SNTB2: variants seen among roughly 807,000 people sequenced by gnomAD.
SNTB2 encodes syntrophin beta 2.
SNTB2 carries 34 observed loss-of-function variants against 46.2 expected under a neutral mutation model. That is an observed-to-expected ratio of 0.74 (90% CI 0.56 to 0.98). SNTB2 has a LOEUF of 0.98. Ranked by LOEUF, SNTB2 falls within the 50% of genes least tolerant of loss-of-function variation. The pLI, the probability that SNTB2 is intolerant of heterozygous loss-of-function variation, is 0.00. For synonymous variants in SNTB2, 290 were observed against 312.6 expected, an observed-to-expected ratio of 0.93 and a Z score of 0.76; for missense variants, 603 against 731.4, an observed-to-expected ratio of 0.82 and a Z score of 2.02.
intron 2 of SNTB2, among the ~76,000 whole-genome samples, chr16:69,249,932 C>T (rs781133626): frequency 5.9e-5 from 9 of 152,018 alleles, no homozygotes; most frequent in Non-Finnish European, 1.2e-4. Context: ...AACCCCGTTT[C>T]TACTAAAAAT....
chr16:69,292,424 ATATATATATAT>A (rs1237707024), intron 5 of SNTB2, among the ~76,000 whole-genome samples: 691 of 6,858 alleles, frequency 0.1, 167 homozygotes, highest in African/African-American at 0.26. Context: ...TATATTATAT[ATATATATATAT>A]TATATATATA....
At chr16:69,225,955 ATGGGGTTTCACCATGTTGGCTAGGC>A (rs1281491512) in intron 1 of SNTB2, among the ~76,000 whole-genome samples, 1 of 152,088 alleles carries the variant, frequency 6.6e-6, no homozygotes, top group Non-Finnish European at 1.5e-5. Context: ...TTTAGTAGAC[ATGGGGTTTCACCATGTTGGCTAGGC>A]TGGTCTCAAA....
intron 1 of SNTB2, chr16:69,235,812 C>A: frequency 7.8e-7 from 1 of 1,289,344 alleles, no homozygotes; most frequent in Non-Finnish European, 1.0e-6. Context: ...TACTAAGTTT[C>A]TTCAAATATC....
At chr16:69,261,285 C>T (rs1964832320) in intron 3 of SNTB2, among the ~76,000 whole-genome samples, 1 of 151,654 alleles carries the variant, frequency 6.6e-6, no homozygotes. Flanking sequence ...CTGGTTCCCA[C>T]CTTCCTCCCC....
At chr16:69,201,232 G>A (rs1165516494) in intron 1 of SNTB2, among the ~76,000 whole-genome samples, 1 of 152,116 alleles carries the variant, frequency 6.6e-6, no homozygotes, top group East Asian at 1.9e-4. Context: ...TAAGCACCTT[G>A]TATATTGCTA....
chr16:69,198,778 A>T (rs577218686), intron 1 of SNTB2, among the ~76,000 whole-genome samples: 146 of 152,236 alleles, frequency 9.6e-4, no homozygotes, highest in Non-Finnish European at 1.6e-3. Context: ...ACCTATTAAA[A>T]ATAAGATCCC....
chr16:69,291,989 G>T (rs1455274005), intron 5 of SNTB2, among the ~76,000 whole-genome samples: 1 of 151,722 alleles, frequency 6.6e-6, no homozygotes, highest in Middle Eastern at 3.4e-3. Context: ...GGAGGCCGAG[G>T]TGGGCGGATC....
chr16:69,296,554 C>T (rs1465825885), intron 5 of SNTB2, among the ~76,000 whole-genome samples: 1 of 150,152 alleles, frequency 6.7e-6, no homozygotes. Flanking sequence ...AACCCTGTCT[C>T]TACTAAAAAT....
chr16:69,292,363 TATATA>T (rs1965168565), intron 5 of SNTB2, among the ~76,000 whole-genome samples: 2 of 33,334 alleles, frequency 6.0e-5, no homozygotes, highest in South Asian at 8.0e-4. Flanking sequence ...TTTATATATA[TATATA>T]TATATATATA....
Position 69,188,082 on chromosome 16 carries a change from A to T in SNTB2, c.580+336A>T, listed in dbSNP as rs1190343944. Among the ~76,000 whole-genome samples, 3 of 151,560 alleles carry T rather than the reference A, an allele frequency of 2.0e-5. No homozygotes were observed. In the East Asian group the frequency reaches 5.9e-4, roughly 30 times the overall value. ...GGTCTGTCTCCGTTTGCCCGCTGAG[A>T]AGTGCCGGGTTGGCGCTTAACTCAC... On this transcript the variant is annotated intron_variant, in intron 1 of 6. Transcript: ENST00000336278.
At chr16:69,197,762 G>GT (rs1243304460) in intron 1 of SNTB2, among the ~76,000 whole-genome samples, 1 of 152,128 alleles carries the variant, frequency 6.6e-6, no homozygotes, top group Non-Finnish European at 1.5e-5. Flanking sequence ...TCATTTTGCT[G>GT]TAATTGTTGG....
At chr16:69,190,675 C>T (rs1446295595) in intron 1 of SNTB2, among the ~76,000 whole-genome samples, 3 of 152,072 alleles carry the variant, frequency 2.0e-5, no homozygotes, top group African/African-American at 4.8e-5. Context: ...AGAGAGCTGC[C>T]ACCAGTAAAG....
intron 1 of SNTB2, among the ~76,000 whole-genome samples, chr16:69,236,416 G>T (rs112793629): frequency 9.9e-5 from 15 of 152,246 alleles, no homozygotes; most frequent in African/African-American, 3.1e-4. Context: ...GACAACTATT[G>T]TATGAGTCCA....
At chr16:69,298,711 G>C (rs148420891) in intron 5 of SNTB2, among the ~76,000 whole-genome samples, 5 of 151,706 alleles carry the variant, frequency 3.3e-5, no homozygotes, top group East Asian at 1.9e-4. Context: ...TAGTAGAGAC[G>C]GGGTTTCGCC....
rs562206870 is a variant in SNTB2 at position 69,296,557 on chromosome 16, CT to C, written c.1346-3032del. Reference sequence around the variant, plus strand: ...CCAACATGGTGAAACCCTGTCTCTACTAAAAATACAAAAAATCAGCCAGGCC... The same window carrying C: ...CCAACATGGTGAAACCCTGTCTCTACAAAAATACAAAAAATCAGCCAGGCC... On this transcript the variant is annotated intron_variant, in intron 5 of 6. Coordinates refer to ENST00000336278, the MANE Select transcript of SNTB2 (RefSeq NM_006750.4). Among the ~76,000 whole-genome samples, 22 of 150,030 alleles carry C rather than the reference CT, an allele frequency of 1.5e-4. No homozygotes were observed. In the South Asian group the frequency reaches 4.5e-3, roughly 30 times the overall value.
chr16:69,250,078 CA>C (rs201764505), intron 2 of SNTB2, among the ~76,000 whole-genome samples: 2 of 150,840 alleles, frequency 1.3e-5, no homozygotes, highest in African/African-American at 2.4e-5. Flanking sequence ...AACTCTGTCT[CA>C]AAAAAAAATT....
At chr16:69,194,667 G>A (rs1964086140) in intron 1 of SNTB2, among the ~76,000 whole-genome samples, 1 of 152,150 alleles carries the variant, frequency 6.6e-6, no homozygotes. Context: ...TTCCAATCAT[G>A]TGGCTGAGGG....
chr16:69,200,131 G>T lies in SNTB2; in HGVS notation c.580+12385G>T, dbSNP rs553871155. 2.5e-4 allele frequency among the ~76,000 whole-genome samples: 38 copies of T among 152,234 alleles called. No homozygotes were observed. In the South Asian group the frequency reaches 7.9e-3, roughly 32 times the overall value. ...GGGTTTCACCGTGTTAGCCAGGATG[G>T]TCTCAATCTCCTGACCTCGTGATCC... On this transcript the variant is annotated intron_variant, in intron 1 of 6. Coordinates refer to ENST00000336278, the MANE Select transcript of SNTB2 (RefSeq NM_006750.4).
intron 1 of SNTB2, among the ~76,000 whole-genome samples, chr16:69,193,766 A>G (rs558751336): frequency 6.6e-6 from 1 of 152,302 alleles, no homozygotes; most frequent in African/African-American, 2.4e-5. Context: ...AAAAGGATGG[A>G]GATGTTATAA....
Sources: gnomAD v4.1 joint callset for allele counts (sites outside exome capture counted in the v4.1 genomes callset) on GRCh38, gnomAD v4.1.1 for gene constraint, MANE v1.5 for transcripts, NCBI Gene and HGNC (gene_info 2026-07-23, HGNC 2026-07-21) for gene names.